The following GLB1 variants were observed in gnomAD, a reference collection of about 807,000 sequenced individuals.
GLB1 encodes galactosidase beta 1.
In GLB1, 56 loss-of-function variants were observed where a neutral mutation model predicts 74.0. The observed-to-expected ratio is 0.76, with a 90% CI of 0.61 to 0.94. The LOEUF (loss-of-function observed/expected upper bound fraction) is 0.94. Among genes scored for constraint, GLB1 ranks in the 40% least tolerant of loss-of-function variants. The probability of loss-of-function intolerance (pLI) is 0.00; values close to 1 mark genes in which losing one functional copy is unlikely to be tolerated. For synonymous variants in GLB1, 323 were observed against 323.6 expected (o/e 1.00, Z 0.02); for missense variants, 787 against 845.5 (o/e 0.93, Z 0.86).
chr3:33,006,972 G>A (rs372942466), intron 15 of GLB1, among the ~76,000 whole-genome samples: 1 of 152,160 alleles, frequency 6.6e-6, no homozygotes, highest in Non-Finnish European at 1.5e-5. Context: ...ATGTGCTAAC[G>A]TGCTCATTCT....
At chr3:33,017,817 G>A (rs1030386984) in intron 13 of GLB1, among the ~76,000 whole-genome samples, 19 of 152,184 alleles carry the variant, frequency 1.2e-4, no homozygotes, top group Non-Finnish European at 2.5e-4. Context: ...AGAAAGCACA[G>A]GCAACATCAG....
intron 1 of GLB1, among the ~76,000 whole-genome samples, chr3:33,094,812 T>C (rs1287030527): frequency 1.3e-5 from 2 of 152,228 alleles, no homozygotes; most frequent in Non-Finnish European, 2.9e-5. Flanking sequence ...TGTAAAACAG[T>C]GCAACTCTTC....
intron 10 of GLB1, among the ~76,000 whole-genome samples, chr3:33,028,473 C>T (rs72854777): frequency 0.097 from 14,744 of 151,672 alleles, 894 homozygotes; most frequent in East Asian, 0.23. Context: ...CCTCTTTTTT[C>T]TCGTTTTGTT....
the GLB1 span, among the ~76,000 whole-genome samples, chr3:32,966,253 G>A: frequency 6.6e-6 from 1 of 152,230 alleles, no homozygotes. Context: ...AAAGCCACAG[G>A]GGCGGAGCTT....
chr3:33,065,335 T>C (rs1699626636), intron 5 of GLB1, 128 bp downstream of exon 5: 3 of 1,265,876 alleles, frequency 2.4e-6, no homozygotes, highest in Admixed American at 2.0e-5. Context: ...CTAAAAGCAC[T>C]ATCTGTGGCA....
At chr3:33,066,684 C>G (rs1378812579) in intron 4 of GLB1, among the ~76,000 whole-genome samples, 4 of 152,146 alleles carry the variant, frequency 2.6e-5, no homozygotes, top group Non-Finnish European at 4.4e-5. Flanking sequence ...AGTGACTGAA[C>G]AGTGTATCCT....
chr3:33,091,888 T>C (rs941846514), intron 1 of GLB1: 1 of 985,464 alleles, frequency 1.0e-6, no homozygotes, highest in African/African-American at 1.7e-5. Context: ...GATCAAAGGA[T>C]CTATTGCTTC....
chr3:33,013,975 C>G (rs1281887047), intron 15 of GLB1, 81 bp downstream of exon 15: 2 of 1,608,958 alleles, frequency 1.2e-6, no homozygotes, highest in East Asian at 4.5e-5. Context: ...ATCTCACTAA[C>G]AGCTCTTTGT....
chr3:33,055,716 C>T (rs1699187209), intron 6 of GLB1, among the ~76,000 whole-genome samples: 1 of 151,076 alleles, frequency 6.6e-6, no homozygotes, highest in Admixed American at 6.6e-5. Context: ...ATCCGCCTGC[C>T]TTGGCCTCCC....
the GLB1 span, among the ~76,000 whole-genome samples, chr3:32,988,502 A>C: frequency 6.6e-6 from 1 of 152,196 alleles, no homozygotes; most frequent in Non-Finnish European, 1.5e-5. Context: ...GGTTGCTTTC[A>C]AAAGCATTGC....
the GLB1 span, among the ~76,000 whole-genome samples, chr3:32,981,399 CA>C: frequency 0.26 from 23,192 of 89,480 alleles, 1,448 homozygotes; most frequent in Middle Eastern, 0.39. Flanking sequence ...GACTCCATCT[CA>C]AAAAAAAAAA....
At chr3:33,050,677 GATAAA>G in intron 9 of GLB1, among the ~76,000 whole-genome samples, 1 of 152,272 alleles carries the variant, frequency 6.6e-6, no homozygotes, top group South Asian at 2.1e-4. Flanking sequence ...TTTTTGGGGT[GATAAA>G]ATGTTTCTGA....
At chr3:33,079,668 C>T (rs1700253949) in intron 1 of GLB1, among the ~76,000 whole-genome samples, 1 of 152,192 alleles carries the variant, frequency 6.6e-6, no homozygotes, top group Non-Finnish European at 1.5e-5. Context: ...CATACATGAT[C>T]AAATGTTACG....
chr3:33,029,634 A>C (rs1328712425), intron 10 of GLB1, among the ~76,000 whole-genome samples: 1 of 152,242 alleles, frequency 6.6e-6, no homozygotes, highest in Non-Finnish European at 1.5e-5. Flanking sequence ...AAAAGAAACA[A>C]GATCATGTCC....
rs528937738 is a variant in GLB1 at position 33,091,145 on chromosome 3, G to A, written c.75+5866C>T. The stretch of plus-strand genomic sequence containing the variant: ...TAAGGATGATTCACAAAATGCGGTC[G>A]GGACACAAGAAAAGTGAGTTTGGAA... On this transcript the variant is annotated intron_variant, in intron 1 of 15. Coordinates refer to ENST00000307363, the MANE Select transcript of GLB1 (RefSeq NM_000404.4). 9.2e-5 allele frequency: 91 copies of A among 985,296 alleles called. No individual in the cohort carries two copies. The Middle Eastern group carries it at 1.6e-3, about 17-fold the overall frequency. The allele number at this position is 985,296 out of a possible 1,614,324, so 61.0% of individuals were successfully genotyped here.
intron 10 of GLB1, among the ~76,000 whole-genome samples, chr3:33,044,409 G>C (rs11714207): frequency 0.023 from 3,491 of 152,204 alleles, 66 homozygotes; most frequent in Non-Finnish European, 0.035. Context: ...AGCAGTACTT[G>C]AAGGAAATTT....
At chr3:33,038,019 C>CAAAAAAAAAAAAAAAAAAA (rs63478362) in intron 10 of GLB1, 1 of 71,702 alleles carries the variant, frequency 1.4e-5, no homozygotes, top group African/African-American at 6.1e-5. Context: ...GGCGACTCTT[C>CAAAAAAAAAAAAAAAAAAA]AAAAAAAAAA....
At chr3:33,068,313 T>C in intron 3 of GLB1, 23 bp from the exon 4 acceptor site, 1 of 1,613,914 alleles carries the variant, frequency 6.2e-7, no homozygotes, top group Non-Finnish European at 8.5e-7. Flanking sequence ...AAACAAGCCA[T>C]TATAATGTCT....
At chr3:32,988,446 A>G in the GLB1 span, among the ~76,000 whole-genome samples, 2 of 152,220 alleles carry the variant, frequency 1.3e-5, no homozygotes, top group African/African-American at 4.8e-5. Flanking sequence ...ATATGTTACT[A>G]TTCAGATAAC....
Sources: gnomAD v4.1 joint callset for allele counts (sites outside exome capture counted in the v4.1 genomes callset) on GRCh38, gnomAD v4.1.1 for gene constraint, MANE v1.5 for transcripts, NCBI Gene and HGNC (gene_info 2026-07-23, HGNC 2026-07-21) for gene names.